GKAP1: variants seen among roughly 807,000 people sequenced by gnomAD.
The protein encoded by GKAP1 is G kinase-anchoring protein 1.
In GKAP1, 31 loss-of-function variants were observed where a neutral mutation model predicts 56.7. The observed-to-expected ratio is 0.55, with a 90% CI of 0.41 to 0.74. GKAP1 has a LOEUF of 0.74. Ranked by LOEUF, GKAP1 falls within the 30% of genes least tolerant of loss-of-function variation. GKAP1 has a pLI of 0.00. For synonymous variants in GKAP1, 151 were observed against 138.6 expected, an observed-to-expected ratio of 1.09 and a Z score of -0.63; for missense variants, 364 against 402.3, an observed-to-expected ratio of 0.90 and a Z score of 0.82.
At chr9:83,791,493 A>T (rs1944159681) in intron 4 of GKAP1, among the ~76,000 whole-genome samples, 1 of 152,260 alleles carries the variant, frequency 6.6e-6, no homozygotes, top group Non-Finnish European at 1.5e-5. Context: ...CTCAGACTTT[A>T]AATCTACCTT....
chr9:83,742,442 T>G, intron 11 of GKAP1, 88 bp downstream of exon 11: 1 of 785,176 alleles, frequency 1.3e-6, no homozygotes, highest in Middle Eastern at 3.2e-4. Flanking sequence ...ATCCTTACAG[T>G]GTTGATGAGC....
At chr9:83,800,671 A>T (rs549019639) in intron 3 of GKAP1, among the ~76,000 whole-genome samples, 2 of 152,278 alleles carry the variant, frequency 1.3e-5, no homozygotes, top group African/African-American at 4.8e-5. Context: ...GTTCAACTTG[A>T]AAGTTTCTCC....
At chr9:83,742,681 G>A (rs1197135005) in intron 10 of GKAP1, 81 bp from the exon 11 acceptor site, 1 of 778,484 alleles carries the variant, frequency 1.3e-6, no homozygotes, top group East Asian at 2.5e-5. Flanking sequence ...CTAAGACATA[G>A]CAGTGCAATT....
At chr9:83,799,386 A>AT (rs1429329409) in intron 3 of GKAP1, 58 bp from the exon 4 acceptor site, 10 of 1,207,586 alleles carry the variant, frequency 8.3e-6, no homozygotes, top group East Asian at 2.6e-5. Flanking sequence ...GATACTAATG[A>AT]TTTTTTTAAT....
chr9:83,742,696 C>A, intron 10 of GKAP1, 96 bp from the exon 11 acceptor site: 1 of 655,450 alleles, frequency 1.5e-6, no homozygotes, highest in Non-Finnish European at 2.7e-6. Context: ...GCAATTAGAA[C>A]AATGATTTCT....
intron 2 of GKAP1, among the ~76,000 whole-genome samples, chr9:83,810,783 T>C (rs568444931): frequency 1.4e-4 from 21 of 152,372 alleles, no homozygotes; most frequent in Admixed American, 3.3e-4. Flanking sequence ...AAGCATTCAA[T>C]ACACTCAAGC....
intron 4 of GKAP1, among the ~76,000 whole-genome samples, chr9:83,797,776 T>C (rs1395415933): frequency 6.6e-6 from 1 of 152,224 alleles, no homozygotes; most frequent in South Asian, 2.1e-4. Flanking sequence ...TTGCATGGAA[T>C]TTATTTTGGT....
intron 7 of GKAP1, among the ~76,000 whole-genome samples, chr9:83,772,566 T>C (rs1943780334): frequency 1.3e-5 from 2 of 152,148 alleles, no homozygotes; most frequent in Admixed American, 1.3e-4. Flanking sequence ...TTTAAAACTT[T>C]TGTGCTTCAA....
intron 8 of GKAP1, 79 bp downstream of exon 8, chr9:83,768,739 C>T: frequency 8.5e-7 from 1 of 1,179,848 alleles, no homozygotes; most frequent in Non-Finnish European, 1.2e-6. Context: ...TAATTTGATT[C>T]TACTGCTTAC....
Position 83,768,871 on chromosome 9 carries a change from G to A in GKAP1, c.685C>T (p.Gln229Ter), listed in dbSNP as rs747703359. 1.3e-5 allele frequency: 21 copies of A among 1,612,208 alleles called. No individual in the cohort carries two copies. In the South Asian group the frequency reaches 2.3e-4, roughly 18 times the overall value. Residue 229 changes from glutamine to a stop codon, truncating the protein, a stop_gained, in exon 8 of 13, where the codon CAG (glutamine) becomes TAG (stop). Transcript: ENST00000376371. LOFTEE classifies it high-confidence loss of function. ...TCTGTTCCATTATATTCTGTAAGCTGTTCTCTTCGTTTTTCTCTAATAAGA... is the reference window on the plus strand; with the variant it reads ...TCTGTTCCATTATATTCTGTAAGCTATTCTCTTCGTTTTTCTCTAATAAGA... ...KILIREKRRE[Q>*]LTEYNGTDNC...
At chr9:83,760,009 T>C (rs1408753767) in intron 8 of GKAP1, among the ~76,000 whole-genome samples, 1 of 152,216 alleles carries the variant, frequency 6.6e-6, no homozygotes, top group Non-Finnish European at 1.5e-5. Context: ...AACTGGTTTA[T>C]ACTTCATTAC....
intron 3 of GKAP1, among the ~76,000 whole-genome samples, chr9:83,805,702 C>T (rs1431305559): frequency 6.6e-6 from 1 of 151,810 alleles, no homozygotes; most frequent in South Asian, 2.1e-4. Context: ...AAACACATAC[C>T]AAAATATTAA....
At chr9:83,815,699 C>CA (rs999789279) in intron 2 of GKAP1, among the ~76,000 whole-genome samples, 3 of 151,690 alleles carry the variant, frequency 2.0e-5, no homozygotes, top group Admixed American at 1.3e-4. Context: ...TTAGCCTGAC[C>CA]AAAAAAAGGT....
intron 12 of GKAP1, 82 bp from the exon 13 acceptor site, chr9:83,739,826 G>A: frequency 2.8e-6 from 3 of 1,066,754 alleles, no homozygotes; most frequent in Non-Finnish European, 4.1e-6. Flanking sequence ...ATAGACCAAA[G>A]GCATCTTGGG....
chr9:83,799,950 G>A lies in GKAP1; in HGVS notation c.217-622C>T, dbSNP rs547017772. On this transcript the variant is annotated intron_variant, in intron 3 of 12. Transcript: ENST00000376371. ...ACTGCACTCCAGCCTGGGCAACAGA[G>A]TGAGACCCTGTCTCAAAAATAAAAA... is the stretch of plus-strand genomic sequence containing the variant. Among the ~76,000 whole-genome samples, 23 of 152,304 alleles carry A rather than the reference G, an allele frequency of 1.5e-4. No homozygotes were observed. The South Asian group carries it at 4.8e-3, about 32-fold the overall frequency.
intron 2 of GKAP1, among the ~76,000 whole-genome samples, chr9:83,807,201 C>T (rs1042952035): frequency 6.6e-6 from 1 of 152,190 alleles, no homozygotes; most frequent in Non-Finnish European, 1.5e-5. Context: ...TTTTCCACAA[C>T]CGTTTAGACT....
intron 8 of GKAP1, among the ~76,000 whole-genome samples, chr9:83,761,680 A>G (rs568427216): frequency 5.6e-4 from 86 of 152,222 alleles, no homozygotes; most frequent in Middle Eastern, 3.4e-3. Flanking sequence ...TACTGAATTC[A>G]ACAACACATT....
chr9:83,756,485 A>AG (rs1943478847), intron 8 of GKAP1, among the ~76,000 whole-genome samples: 1 of 146,886 alleles, frequency 6.8e-6, no homozygotes, highest in Non-Finnish European at 1.5e-5. Context: ...AAAAAAAAAA[A>AG]AAAAAAAGAA....
At chr9:83,808,550 T>A (rs544665154) in intron 2 of GKAP1, among the ~76,000 whole-genome samples, 1 of 152,100 alleles carries the variant, frequency 6.6e-6, no homozygotes, top group South Asian at 2.1e-4. Context: ...CAAACCGAGG[T>A]TGCACGACTG....
Sources: allele counts gnomAD v4.1 joint callset (sites outside exome capture counted in the v4.1 genomes callset), GRCh38; gene constraint gnomAD v4.1.1; transcripts MANE v1.5; gene names NCBI Gene and HGNC (gene_info 2026-07-23, HGNC 2026-07-21).